Variants in PARD3B observed in about 807,000 individuals in gnomAD.
The protein encoded by PARD3B is partitioning defective 3 homolog B.
A neutral mutation model predicts 130.2 loss-of-function variants in PARD3B; 103 were observed. That is an observed-to-expected ratio of 0.79 (90% CI 0.67 to 0.93). The LOEUF (loss-of-function observed/expected upper bound fraction) is 0.93. Among genes scored for constraint, PARD3B ranks in the 40% least tolerant of loss-of-function variants. The pLI is 0.00. For missense variants in PARD3B, 1,609 were observed against 1,499.2 expected (o/e 1.07, Z -1.21); for synonymous variants, 583 against 553.2 (o/e 1.05, Z -0.76).
chr2:205,450,276 C>T (rs571421768), intron 20 of PARD3B, among the ~76,000 whole-genome samples: 3 of 152,022 alleles, frequency 2.0e-5, no homozygotes, highest in African/African-American at 7.2e-5. Context: ...TAGCTGTTGA[C>T]CATTTAAAAT....
At chr2:204,552,485 T>C (rs1396953512) in intron 1 of PARD3B, among the ~76,000 whole-genome samples, 2 of 152,224 alleles carry the variant, frequency 1.3e-5, no homozygotes, top group Non-Finnish European at 2.9e-5. Context: ...ATAGAAATAC[T>C]AAACACCTTC....
intron 3 of PARD3B, among the ~76,000 whole-genome samples, chr2:205,014,184 A>T (rs1695942426): frequency 6.6e-6 from 1 of 152,258 alleles, no homozygotes; most frequent in Non-Finnish European, 1.5e-5. Context: ...CTTTATTTGC[A>T]TGCTGTCACT....
At chr2:205,070,328 T>G (rs1390589662) in intron 4 of PARD3B, among the ~76,000 whole-genome samples, 1 of 151,924 alleles carries the variant, frequency 6.6e-6, no homozygotes, top group East Asian at 1.9e-4. Context: ...CATTAGAATT[T>G]CCCCAGTTCT....
intron 15 of PARD3B, among the ~76,000 whole-genome samples, chr2:205,216,432 G>A (rs527580147): frequency 5.9e-5 from 9 of 152,018 alleles, no homozygotes; most frequent in Non-Finnish European, 1.2e-4. Context: ...TGGAAGTTAC[G>A]TGTATAATTT....
intron 2 of PARD3B, among the ~76,000 whole-genome samples, chr2:204,782,311 G>A (rs2041862761): frequency 6.6e-6 from 1 of 151,702 alleles, no homozygotes; most frequent in East Asian, 1.9e-4. Flanking sequence ...TTGTTAAAAT[G>A]ATGGTGTTTG....
intron 21 of PARD3B, among the ~76,000 whole-genome samples, chr2:205,522,328 T>C (rs2051108105): frequency 6.6e-6 from 1 of 151,852 alleles, no homozygotes; most frequent in South Asian, 2.1e-4. Context: ...TTATTTTTCC[T>C]TTGATCAAGA....
chr2:205,132,261 G>A (rs1475062374), intron 10 of PARD3B, among the ~76,000 whole-genome samples: 2 of 152,186 alleles, frequency 1.3e-5, no homozygotes, highest in African/African-American at 2.4e-5. Flanking sequence ...ATGTGGGAGT[G>A]AAGGAGTGAG....
intron 14 of PARD3B, among the ~76,000 whole-genome samples, chr2:205,186,847 A>C (rs1344824109): frequency 1.3e-5 from 2 of 152,162 alleles, no homozygotes; most frequent in Non-Finnish European, 2.9e-5. Context: ...TTGTCCATTC[A>C]TTTCCATTGC....
chr2:205,460,310 A>G lies in PARD3B; in HGVS notation c.3044+19638A>G, dbSNP rs1485024853. Reference sequence around the variant, plus strand: ...GTATTTCTCTAAACTATATCAGATAAAGGATGCCCAGAATTTGCTCAGATG... The same window carrying G: ...GTATTTCTCTAAACTATATCAGATAGAGGATGCCCAGAATTTGCTCAGATG... On this transcript the variant is annotated intron_variant, in intron 20 of 22. Coordinates refer to ENST00000406610, the MANE Select transcript of PARD3B (RefSeq NM_001302769.2). This position sits in a 1 kb window ranked among gnomAD's most constrained non-coding sequence, Gnocchi z 4.9. Among the ~76,000 whole-genome samples the G allele has an allele frequency of 6.6e-6, 1 of 152,100 alleles. No individual in the cohort carries two copies. Among genetic ancestry groups the G allele is most frequent in the South Asian group, 2.1e-4 (1 of 4,816 alleles).
intron 1 of PARD3B, among the ~76,000 whole-genome samples, chr2:204,562,993 A>G (rs536292923): frequency 6.6e-6 from 1 of 152,120 alleles, no homozygotes; most frequent in Non-Finnish European, 1.5e-5. Context: ...TGCCATGACA[A>G]TGTACCACAA....
At chr2:204,840,076 C>T (rs115681673) in intron 2 of PARD3B, among the ~76,000 whole-genome samples, 345 of 152,174 alleles carry the variant, frequency 2.3e-3, no homozygotes, top group Middle Eastern at 6.8e-3. Context: ...TCCATCACTA[C>T]GTCAAAACTT....
intron 2 of PARD3B, among the ~76,000 whole-genome samples, chr2:204,947,439 T>C (rs1689415690): frequency 6.6e-6 from 1 of 152,130 alleles, no homozygotes; most frequent in Non-Finnish European, 1.5e-5. Context: ...CTAAGAAAGT[T>C]AGTAAATAAG....
intron 1 of PARD3B, among the ~76,000 whole-genome samples, chr2:204,571,942 G>A (rs570224790): frequency 1.3e-5 from 2 of 152,306 alleles, no homozygotes; most frequent in African/African-American, 4.8e-5. Context: ...GTCAATCACA[G>A]TGAACTGCTA....
At chr2:205,284,884 T>C (rs2041330388) in intron 16 of PARD3B, among the ~76,000 whole-genome samples, 1 of 152,132 alleles carries the variant, frequency 6.6e-6, no homozygotes, top group Admixed American at 6.5e-5. Flanking sequence ...GGAAAAACTG[T>C]TTAATGATGC....
intron 15 of PARD3B, among the ~76,000 whole-genome samples, chr2:205,220,458 G>A (rs543556076): frequency 6.6e-6 from 1 of 152,182 alleles, no homozygotes; most frequent in African/African-American, 2.4e-5. Flanking sequence ...ATGGGCTACT[G>A]TTAGGTGCCT....
In PARD3B at chr2:205,118,980, T is replaced by C. The variant is rs780066786; in HGVS notation, c.740T>C (p.Leu247Pro). ...EDNSRSKREG[L>P]FHENECIVKI... is the part of the protein sequence containing the mutation. ...AACAGCAGGTCCAAGCGGGAGGGAC[T>C]ATTTCACGAAAATGAATGTATTGTA... The change falls in exon 7 of 23, where the codon CTA becomes CCA. Residue 247 changes from leucine (L) to proline (P), a missense_variant. By Grantham distance (98) the Leu-to-Pro change is moderately conservative. Coordinates refer to ENST00000406610, the MANE Select transcript of PARD3B (RefSeq NM_001302769.2). The C allele has an allele frequency of 2.5e-6, 4 of 1,612,966 alleles. No homozygotes were observed. Among genetic ancestry groups the C allele is most frequent in the South Asian group, 1.1e-5 (1 of 90,864 alleles).
intron 5 of PARD3B, among the ~76,000 whole-genome samples, chr2:205,110,657 G>A (rs12477364): frequency 0.2 from 28,295 of 143,736 alleles, 3,347 homozygotes; most frequent in East Asian, 0.36. Flanking sequence ...TTTGTAAGTG[G>A]CTGTCAACCG....
intron 15 of PARD3B, among the ~76,000 whole-genome samples, chr2:205,213,192 A>G (rs11895225): frequency 0.16 from 24,376 of 151,884 alleles, 2,266 homozygotes; most frequent in African/African-American, 0.26. Flanking sequence ...ACCCATTCAA[A>G]TCTTGCCTTC....
Position 204,554,353 on chromosome 2 carries a change from G to A in PARD3B, c.120+8234G>A, listed in dbSNP as rs115201199. Among the ~76,000 whole-genome samples the A allele has an allele frequency of 6.8e-3, 1,039 of 151,938 alleles. 16 individuals carry two copies. Among genetic ancestry groups the A allele is most frequent in the African/African-American group, 0.024 (983 of 41,432 alleles). ...ATCTGGTAGGCATCTTACACTTATA[G>A]CATGCCCCCAAATGAATTCCTAATC... On this transcript the variant is annotated intron_variant, in intron 1 of 22. Coordinates refer to ENST00000406610, the MANE Select transcript of PARD3B (RefSeq NM_001302769.2).
Sources: gnomAD v4.1 joint callset for allele counts (sites outside exome capture counted in the v4.1 genomes callset) on GRCh38, gnomAD v4.1.1 for gene constraint, Gnocchi (gnomAD v3.1) non-coding constraint, MANE v1.5 for transcripts, NCBI Gene and HGNC (gene_info 2026-07-23, HGNC 2026-07-21) for gene names.